The following GALNT18 variants were observed in gnomAD, a reference collection of about 807,000 sequenced individuals.
The protein encoded by GALNT18 is GalNAc-transferase 18.
In GALNT18, 44 loss-of-function variants were observed where a neutral mutation model predicts 69.5. The ratio of observed to expected loss-of-function variants is 0.63; its 90% CI spans 0.50 to 0.81. The LOEUF is 0.81. Among genes scored for constraint, GALNT18 ranks in the 40% least tolerant of loss-of-function variants. GALNT18 has a pLI of 0.00. For missense variants in GALNT18, 715 were observed against 810.0 expected, an observed-to-expected ratio of 0.88 and a Z score of 1.42; for synonymous variants, 364 against 318.2, an observed-to-expected ratio of 1.14 and a Z score of -1.53.
rs143076643 is a variant in GALNT18, at chr11:11,619,121, A to G, written c.235+2238T>C. On this transcript the variant is annotated intron_variant, in intron 1 of 10. Transcript: ENST00000227756. The surrounding 1 kb of genome is among the most constrained non-coding windows in gnomAD (Gnocchi z 4.9). ...TTGCTACACCATCATGGCACAGCCA[A>G]CCTGGTAACCTCTGCCCCTGCCTGC... is the stretch of plus-strand genomic sequence containing the variant. Among the ~76,000 whole-genome samples the G allele has an allele frequency of 3.7e-3, 556 of 152,220 alleles. 1 individual carries two copies. The highest frequency in any genetic ancestry group is 0.013 in the African/African-American group (520 of 41,520).
At chr11:11,278,846 G>T (rs998362007) in intron 10 of GALNT18, among the ~76,000 whole-genome samples, 1 of 152,124 alleles carries the variant, frequency 6.6e-6, no homozygotes, top group Non-Finnish European at 1.5e-5. Flanking sequence ...ATAACTAAAA[G>T]TAGAATTGGA....
At chr11:11,416,189 G>T (rs1057373518) in intron 3 of GALNT18, among the ~76,000 whole-genome samples, 19 of 152,352 alleles carry the variant, frequency 1.2e-4, no homozygotes, top group African/African-American at 4.3e-4. Context: ...CAATGTCTAA[G>T]CTCCTTAGGG....
chr11:11,535,436 C>G (rs1483349970), intron 1 of GALNT18, among the ~76,000 whole-genome samples: 1 of 152,226 alleles, frequency 6.6e-6, no homozygotes, highest in East Asian at 1.9e-4. Context: ...AAGCACATAG[C>G]AAAGTAATAG....
intron 3 of GALNT18, among the ~76,000 whole-genome samples, chr11:11,391,166 C>T (rs956791703): frequency 1.3e-5 from 2 of 152,230 alleles, no homozygotes; most frequent in Non-Finnish European, 2.9e-5. Flanking sequence ...TGCTGCTCTT[C>T]AAGGGCCACT....
At chr11:11,576,263 C>T (rs926661398) in intron 1 of GALNT18, among the ~76,000 whole-genome samples, 5 of 152,220 alleles carry the variant, frequency 3.3e-5, no homozygotes, top group South Asian at 2.1e-4. Flanking sequence ...AGACCCTCAT[C>T]GCTGCTCACC....
chr11:11,511,585 C>G lies in GALNT18; in HGVS notation c.236-62649G>C, dbSNP rs139777103. Among the ~76,000 whole-genome samples the G allele has an allele frequency of 7.3e-4, 111 of 152,302 alleles. No individual in the cohort carries two copies. Among genetic ancestry groups the G allele is most frequent in the African/African-American group, 2.5e-3 (104 of 41,558 alleles). On this transcript the variant is annotated intron_variant, in intron 1 of 10. Transcript: ENST00000227756. The surrounding 1 kb of genome is among the most constrained non-coding windows in gnomAD (Gnocchi z 4.9). ...TCCAGAAAATGCATACATGTGCACA[C>G]TGTGTTATGGAATGAAAGCTTCTGT...
At chr11:11,524,495 C>G (rs1201946134) in intron 1 of GALNT18, among the ~76,000 whole-genome samples, 1 of 152,186 alleles carries the variant, frequency 6.6e-6, no homozygotes, top group African/African-American at 2.4e-5. Context: ...AAACTAGGCC[C>G]TAGCAGAAGC....
intron 3 of GALNT18, among the ~76,000 whole-genome samples, chr11:11,407,738 G>A (rs1477770661): frequency 1.3e-5 from 2 of 152,222 alleles, no homozygotes; most frequent in Non-Finnish European, 2.9e-5. Context: ...GAGGGCAAAG[G>A]AGAAGAGGGA....
intron 10 of GALNT18, among the ~76,000 whole-genome samples, chr11:11,280,292 C>T (rs887879312): frequency 6.6e-6 from 1 of 152,136 alleles, no homozygotes; most frequent in African/African-American, 2.4e-5. Context: ...CTTGGACAAG[C>T]CTAGGAAGGG....
rs1371074697 is a variant in GALNT18 at position 11,496,461 on chromosome 11, A to G, written c.236-47525T>C. On this transcript the variant is annotated intron_variant, in intron 1 of 10. Coordinates refer to ENST00000227756, the MANE Select transcript of GALNT18 (RefSeq NM_198516.3). This position sits in a 1 kb window ranked among gnomAD's most constrained non-coding sequence, Gnocchi z 4.0. ...CTTACCCAGCAGTACATTGCTATCA[A>G]CTCCAATAATGGGGCATGCTGGAAA... Among the ~76,000 whole-genome samples the G allele has an allele frequency of 1.3e-5, 2 of 152,158 alleles. No homozygotes were observed. Among genetic ancestry groups the G allele is most frequent in the African/African-American group, 2.4e-5 (1 of 41,442 alleles).
rs1859389916 is a variant in GALNT18, at chr11:11,592,782, T to C, written c.235+28577A>G. Among the ~76,000 whole-genome samples, 2 of 152,180 alleles carry C rather than the reference T, an allele frequency of 1.3e-5. No individual in the cohort carries two copies. The highest frequency in any genetic ancestry group is 2.9e-5 in the Non-Finnish European group (2 of 68,022). On this transcript the variant is annotated intron_variant, in intron 1 of 10. Transcript: ENST00000227756. This position sits in a 1 kb window ranked among gnomAD's most constrained non-coding sequence, Gnocchi z 5.9. ...CCCATACTGAAAATTTTTTGACATA[T>C]CTTCAAAGTATAAAGAGAAGGCAAG...
At chr11:11,545,097 G>A (rs1197371100) in intron 1 of GALNT18, among the ~76,000 whole-genome samples, 1 of 152,192 alleles carries the variant, frequency 6.6e-6, no homozygotes. Context: ...AAGCATGACT[G>A]TCATCCCATT....
intron 1 of GALNT18, among the ~76,000 whole-genome samples, chr11:11,554,476 G>GA (rs1197301928): frequency 1.7e-4 from 25 of 147,164 alleles, no homozygotes; most frequent in Admixed American, 1.1e-3. Flanking sequence ...AGTGTTACTT[G>GA]AAAAAAAAAA....
At chr11:11,397,450 G>A (rs546095995) in intron 3 of GALNT18, among the ~76,000 whole-genome samples, 74 of 152,150 alleles carry the variant, frequency 4.9e-4, no homozygotes, top group Non-Finnish European at 8.7e-4. Flanking sequence ...GAATAATTAG[G>A]ACCTGGAGAA....
intron 1 of GALNT18, among the ~76,000 whole-genome samples, chr11:11,557,797 G>A (rs1858368275): frequency 6.6e-6 from 1 of 152,156 alleles, no homozygotes. Context: ...ATGCCACATG[G>A]CTGGCACTCA....
At chr11:11,343,710 A>G (rs955447326) in intron 6 of GALNT18, among the ~76,000 whole-genome samples, 1 of 152,176 alleles carries the variant, frequency 6.6e-6, no homozygotes, top group African/African-American at 2.4e-5. Flanking sequence ...TCTTTTTGCC[A>G]CTGGAACAGT....
intron 6 of GALNT18, among the ~76,000 whole-genome samples, chr11:11,349,277 T>C (rs1181802362): frequency 6.6e-6 from 1 of 152,196 alleles, no homozygotes; most frequent in East Asian, 1.9e-4. Context: ...TGTCTCCTGG[T>C]GCACGAGAGT....
chr11:11,375,134 C>T (rs1293389251), intron 5 of GALNT18, among the ~76,000 whole-genome samples: 1 of 152,156 alleles, frequency 6.6e-6, no homozygotes, highest in Non-Finnish European at 1.5e-5. Context: ...CTTTTTATGA[C>T]TTACACCATG....
At chr11:11,557,697 G>T (rs1405553422) in intron 1 of GALNT18, among the ~76,000 whole-genome samples, 2 of 152,184 alleles carry the variant, frequency 1.3e-5, no homozygotes, top group Admixed American at 1.3e-4. Context: ...TATATGGAAG[G>T]GGAATTGGGG....
Sources: gnomAD v4.1 joint callset for allele counts (sites outside exome capture counted in the v4.1 genomes callset) on GRCh38, gnomAD v4.1.1 for gene constraint, Gnocchi (gnomAD v3.1) non-coding constraint, MANE v1.5 for transcripts, NCBI Gene and HGNC (gene_info 2026-07-23, HGNC 2026-07-21) for gene names.